DGKB: variants seen among roughly 807,000 people sequenced by gnomAD.
DGKB encodes the protein 90 kDa diacylglycerol kinase.
A neutral mutation model predicts 114.3 loss-of-function variants in DGKB; 67 were observed. The observed-to-expected ratio is 0.59, with a 90% CI of 0.48 to 0.72. The LOEUF (loss-of-function observed/expected upper bound fraction) is 0.72, where lower values mean the gene tolerates loss of function less well. Ranked by LOEUF, DGKB falls within the 30% of genes least tolerant of loss-of-function variation. The pLI, the probability that DGKB is intolerant of heterozygous loss-of-function variation, is 0.00. For synonymous variants in DGKB, 398 were observed against 323.1 expected (o/e 1.23, Z -2.49); for missense variants, 907 against 975.2 (o/e 0.93, Z 0.93).
intron 23 of DGKB, among the ~76,000 whole-genome samples, chr7:14,306,625 CT>C (rs1804526248): frequency 6.6e-6 from 1 of 152,056 alleles, no homozygotes; most frequent in South Asian, 2.1e-4. Context: ...TCCCTGCATC[CT>C]TTGGCTCTGC....
chr7:14,573,329 C>G (rs909363251), intron 20 of DGKB, among the ~76,000 whole-genome samples: 8 of 152,110 alleles, frequency 5.3e-5, no homozygotes, highest in Admixed American at 2.6e-4. Context: ...GAAATAATAA[C>G]CAGCATGGCA....
chr7:14,898,721 T>G (rs1782507576), intron 1 of DGKB, among the ~76,000 whole-genome samples: 1 of 152,136 alleles, frequency 6.6e-6, no homozygotes, highest in African/African-American at 2.4e-5. Context: ...GCCAACAATG[T>G]GAATGTATTT....
At chr7:14,447,970 C>T (rs756906343) in intron 21 of DGKB, among the ~76,000 whole-genome samples, 10 of 152,102 alleles carry the variant, frequency 6.6e-5, no homozygotes, top group Non-Finnish European at 1.2e-4. Flanking sequence ...GAAACTTAGA[C>T]ATTTCAATCT....
chr7:14,669,479 C>G (rs1408570169), intron 13 of DGKB, among the ~76,000 whole-genome samples: 1 of 152,116 alleles, frequency 6.6e-6, no homozygotes, highest in Non-Finnish European at 1.5e-5. Flanking sequence ...GTGACTCCCT[C>G]AAATCACTCA....
chr7:14,158,138 A>G (rs897115860), intron 25 of DGKB, among the ~76,000 whole-genome samples: 1 of 152,252 alleles, frequency 6.6e-6, no homozygotes, highest in Admixed American at 6.5e-5. Flanking sequence ...AGACCACTAC[A>G]AATACCAAAT....
At chr7:14,169,542 G>A (rs557777673) in intron 25 of DGKB, among the ~76,000 whole-genome samples, 1 of 152,170 alleles carries the variant, frequency 6.6e-6, no homozygotes, top group African/African-American at 2.4e-5. Context: ...AATCCTCTGG[G>A]AAGTGGTTCC....
At chr7:14,696,057 T>C (rs138997492) in intron 8 of DGKB, among the ~76,000 whole-genome samples, 1 of 152,234 alleles carries the variant, frequency 6.6e-6, no homozygotes, top group Non-Finnish European at 1.5e-5. Flanking sequence ...CACTAGGTAT[T>C]TGTTGTAGAA....
rs189403880 is a variant in DGKB, at chr7:14,287,165, A to G, written c.2122+51350T>C. Among the ~76,000 whole-genome samples the G allele has an allele frequency of 2.0e-5, 3 of 152,198 alleles. No individual in the cohort carries two copies. The East Asian group carries it at 5.8e-4, about 29-fold the overall frequency. ...TTATTATTACAGAATTATTAATCAG[A>G]CCCTAAAGACTCTAGAATTCCAACA... is the stretch of plus-strand genomic sequence containing the variant. On this transcript the variant is annotated intron_variant, in intron 23 of 25. Coordinates refer to ENST00000402815, the MANE Select transcript of DGKB (RefSeq NM_001350709.2).
At chr7:14,903,258 G>T (rs931244809), upstream of DGKB, 5 of 102,406 alleles carry the variant, frequency 4.9e-5, no homozygotes, top group Admixed American at 2.8e-4. Flanking sequence ...TGTGTGTTGA[G>T]GAGGAGGCGA....
intron 20 of DGKB, among the ~76,000 whole-genome samples, chr7:14,524,433 T>C (rs746072126): frequency 3.2e-4 from 49 of 152,170 alleles, no homozygotes; most frequent in African/African-American, 9.6e-4. Flanking sequence ...CCTTGAGACA[T>C]AGTCTGTTCA....
chr7:14,882,738 G>T (rs909206555), intron 1 of DGKB, among the ~76,000 whole-genome samples: 3 of 151,852 alleles, frequency 2.0e-5, no homozygotes, highest in African/African-American at 7.3e-5. Context: ...ATAACCTTCA[G>T]TTCCATCTAT....
intron 1 of DGKB, among the ~76,000 whole-genome samples, chr7:14,892,455 A>G (rs1781397545): frequency 6.6e-6 from 1 of 151,346 alleles, no homozygotes; most frequent in South Asian, 2.1e-4. Flanking sequence ...TGAGGGGTAG[A>G]TGGTGGTAAT....
intron 21 of DGKB, among the ~76,000 whole-genome samples, chr7:14,405,509 A>G (rs946636572): frequency 6.6e-6 from 1 of 152,066 alleles, no homozygotes; most frequent in Non-Finnish European, 1.5e-5. Context: ...ATATAATCAG[A>G]TTTTATGCAT....
chr7:14,294,214 G>A (rs1411478647), intron 23 of DGKB, among the ~76,000 whole-genome samples: 1 of 152,048 alleles, frequency 6.6e-6, no homozygotes, highest in Non-Finnish European at 1.5e-5. Context: ...AGACCCTTAG[G>A]ATTATATTGG....
chr7:14,563,254 T>C (rs1020192025), intron 20 of DGKB, among the ~76,000 whole-genome samples: 1 of 152,216 alleles, frequency 6.6e-6, no homozygotes, highest in African/African-American at 2.4e-5. Context: ...CTTGGGTCTG[T>C]CTTTATTAGC....
intron 20 of DGKB, among the ~76,000 whole-genome samples, chr7:14,566,503 G>A (rs1350559123): frequency 6.6e-6 from 1 of 152,094 alleles, no homozygotes; most frequent in Admixed American, 6.6e-5. Flanking sequence ...TATGACAATT[G>A]TTTTATTTTT....
intron 23 of DGKB, among the ~76,000 whole-genome samples, chr7:14,265,406 C>T (rs939317921): frequency 7.3e-6 from 1 of 136,550 alleles, no homozygotes; most frequent in Non-Finnish European, 1.5e-5. Flanking sequence ...GCTACTCTCC[C>T]GTACTGTGCT....
At chr7:14,389,933 T>C (rs1466474307) in intron 21 of DGKB, among the ~76,000 whole-genome samples, 1 of 152,190 alleles carries the variant, frequency 6.6e-6, no homozygotes, top group Admixed American at 6.5e-5. Flanking sequence ...CAGCCCTTGT[T>C]AAAGTTAAAG....
At chr7:14,832,692 T>C (rs1846591722) in intron 2 of DGKB, among the ~76,000 whole-genome samples, 2 of 152,100 alleles carry the variant, frequency 1.3e-5, no homozygotes, top group Non-Finnish European at 1.5e-5. Flanking sequence ...TTACAATTTC[T>C]CAGTTGTTTT....
Sources: gnomAD v4.1 joint callset for allele counts (sites outside exome capture counted in the v4.1 genomes callset) on GRCh38, gnomAD v4.1.1 for gene constraint, MANE v1.5 for transcripts, NCBI Gene and HGNC (gene_info 2026-07-23, HGNC 2026-07-21) for gene names.